Variants in LTN1 observed in about 807,000 individuals in gnomAD.
LTN1 encodes the protein listerin E3 ubiquitin protein ligase 1, also known as E3 ubiquitin-protein ligase listerin.
In LTN1, 88 loss-of-function variants were observed where a neutral mutation model predicts 201.2. The ratio of observed to expected loss-of-function variants is 0.44; its 90% CI spans 0.37 to 0.52. LTN1 has a LOEUF of 0.52. LTN1 is among the 20% of genes least tolerant of loss of function. The probability of loss-of-function intolerance (pLI) is 0.00; values close to 1 mark genes in which losing one functional copy is unlikely to be tolerated. For missense variants in LTN1, 1,752 were observed against 2,038.7 expected (o/e 0.86, Z 2.71); for synonymous variants, 645 against 713.5 (o/e 0.90, Z 1.53).
chr21:28,934,097 C>T (rs2084234878), intron 27 of LTN1, among the ~76,000 whole-genome samples: 1 of 152,018 alleles, frequency 6.6e-6, no homozygotes, highest in Admixed American at 6.6e-5. Context: ...ATCTTTCCCA[C>T]TCAGATCACA....
chr21:28,964,058 G>C (rs2084501166), intron 11 of LTN1, among the ~76,000 whole-genome samples: 1 of 152,164 alleles, frequency 6.6e-6, no homozygotes, highest in Non-Finnish European at 1.5e-5. Flanking sequence ...TCTACTCCTG[G>C]TGAAATGCCG....
intron 4 of LTN1, among the ~76,000 whole-genome samples, chr21:28,983,493 G>A (rs1568858268): frequency 6.6e-6 from 1 of 152,128 alleles, no homozygotes; most frequent in Non-Finnish European, 1.5e-5. Context: ...AGAAAAACAC[G>A]CTTGGTACAC....
chr21:28,990,344 T>C (rs1296254457), intron 1 of LTN1, among the ~76,000 whole-genome samples: 1 of 152,250 alleles, frequency 6.6e-6, no homozygotes, highest in Non-Finnish European at 1.5e-5. Context: ...CCTGGCTACA[T>C]GAGCTTAGGC....
chr21:28,931,097 GTGTT>G (rs1477195365), intron 29 of LTN1, 54 bp downstream of exon 29: 52 of 885,970 alleles, frequency 5.9e-5, no homozygotes, highest in South Asian at 4.1e-4. Flanking sequence ...GTGTGTGTGT[GTGTT>G]TATGTGTATA....
rs2084683610 is a variant in LTN1, at chr21:28,984,730, G to A, written c.538C>T (p.Pro180Ser). The change falls in exon 4 of 30, where the codon CCT (proline) becomes TCT (serine). Residue 180 changes from proline (P) to serine (S), a missense_variant. Around this residue, in one of 3 missense-constraint regions of LTN1, gnomAD observed 280 missense variants for 375.7 expected, o/e 0.75. Transcript: ENST00000361371. The part of the protein sequence containing the change: ...FEAAFPPSKQ[P>S]EAIAFCKDEI... ...TCCTTACAAAATGCTATGGCTTCAG[G>A]TTGCTTGCTTGGAGGAAAAGCCGCT... The A allele has an allele frequency of 6.2e-7, 1 of 1,613,878 alleles. No homozygotes were observed. The highest frequency in any genetic ancestry group is 8.5e-7 in the Non-Finnish European group (1 of 1,179,932).
At chr21:28,959,776 A>G in intron 12 of LTN1, 79 bp from the exon 13 acceptor site, 1 of 1,195,070 alleles carries the variant, frequency 8.4e-7, no homozygotes. Context: ...TGGATTAATA[A>G]TTCTATGGGT....
At chr21:28,954,376 C>T (rs1282180459) in intron 16 of LTN1, among the ~76,000 whole-genome samples, 2 of 152,156 alleles carry the variant, frequency 1.3e-5, no homozygotes, top group African/African-American at 4.8e-5. Flanking sequence ...AATTCTCTAC[C>T]TTTAATACCA....
intron 6 of LTN1, among the ~76,000 whole-genome samples, chr21:28,973,301 T>G (rs2146305964): frequency 7.2e-6 from 1 of 139,490 alleles, no homozygotes; most frequent in Admixed American, 8.0e-5. Flanking sequence ...GAGCCCAGAT[T>G]GCACCACTGC....
chr21:28,975,733 G>A (rs771514762), intron 6 of LTN1, among the ~76,000 whole-genome samples: 3 of 152,186 alleles, frequency 2.0e-5, no homozygotes, highest in Non-Finnish European at 2.9e-5. Flanking sequence ...TATGAAACAT[G>A]AGGATATGGA....
intron 12 of LTN1, among the ~76,000 whole-genome samples, chr21:28,960,104 C>T (rs746970280): frequency 5.3e-5 from 8 of 152,116 alleles, no homozygotes; most frequent in Admixed American, 4.6e-4. Flanking sequence ...CAGCGGCTCA[C>T]GCCTGTAATC....
At position 28,966,808 on chromosome 21, in the gene LTN1, C is replaced by T. The variant is rs527967076; in HGVS notation, c.1683G>A (p.Glu561=). The T allele has an allele frequency of 6.2e-7, 1 of 1,613,162 alleles. No homozygotes were observed. Among genetic ancestry groups the T allele is most frequent in the East Asian group, 2.2e-5 (1 of 44,870 alleles). The change falls in exon 10 of 30, where the codon GAG becomes GAA. Residue 561 remains glutamate, a synonymous_variant. Transcript: ENST00000361371. The part of the protein sequence containing the change: ...ENEKCVSSEG[E]KIEGWELTTE... ...TTGTTAATTCCCAGCCTTCAATCTT[C>T]TCTCCTTCTGAAGATACACATTTTT... is the stretch of plus-strand genomic sequence containing the variant.
intron 4 of LTN1, among the ~76,000 whole-genome samples, chr21:28,983,956 A>C (rs1424957724): frequency 1.3e-5 from 2 of 152,218 alleles, no homozygotes; most frequent in Non-Finnish European, 2.9e-5. Flanking sequence ...AAACAGACAC[A>C]CTGAAAGCCA....
At chr21:28,952,918 T>A (rs1017023820) in intron 17 of LTN1, among the ~76,000 whole-genome samples, 1 of 152,188 alleles carries the variant, frequency 6.6e-6, no homozygotes, top group Non-Finnish European at 1.5e-5. Flanking sequence ...CTGAGAGCAC[T>A]GGGAGGATGA....
At chr21:28,945,252 G>A (rs536526317) in intron 21 of LTN1, among the ~76,000 whole-genome samples, 1 of 151,940 alleles carries the variant, frequency 6.6e-6, no homozygotes, top group African/African-American at 2.4e-5. Context: ...AAGAAAGAAA[G>A]AAAACTGAGT....
Position 28,986,268 on chromosome 21 carries a change from TAAC to T in LTN1, c.247-34_247-32del. On this transcript the variant is annotated intron_variant, in intron 2 of 29. Transcript: ENST00000361371. This position sits in a 1 kb window ranked among gnomAD's most constrained non-coding sequence, Gnocchi z 4.1. ...AGTAAGTTATTAACATCATTAGGATTAACAACCATAATAACTGGCTATAGATTA... is the reference window on the plus strand; with the variant it reads ...AGTAAGTTATTAACATCATTAGGATTAACCATAATAACTGGCTATAGATTA... The T allele has an allele frequency of 8.0e-7, 1 of 1,246,178 alleles. No individual in the cohort carries two copies. Among genetic ancestry groups the T allele is most frequent in the South Asian group, 1.2e-5 (1 of 81,284 alleles). 77.2% of individuals were successfully genotyped at this position (1,246,178 alleles called of 1,614,324 possible). A position where few individuals can be genotyped will look rare whatever the true frequency, so the allele number is the denominator to read the frequency against.
rs1185253162 is a variant in LTN1, at chr21:28,988,154, A to C, written c.43-1220T>G. ...GAGACTCTGTCTCAAAAAAAAAAAA[A>C]AACAACAAAAAAAAACAAATTGCTC... On this transcript the variant is annotated intron_variant, in intron 1 of 29. Coordinates refer to ENST00000361371, the MANE Select transcript of LTN1 (RefSeq NM_015565.3). 3.8e-3 allele frequency among the ~76,000 whole-genome samples: 560 copies of C among 145,782 alleles called. 4 individuals carry two copies. Among genetic ancestry groups the C allele is most frequent in the Non-Finnish European group, 6.7e-3 (444 of 66,262 alleles).
intron 5 of LTN1, among the ~76,000 whole-genome samples, chr21:28,981,766 TA>T (rs1254613611): frequency 6.6e-6 from 1 of 152,196 alleles, no homozygotes; most frequent in Non-Finnish European, 1.5e-5. Flanking sequence ...AGGAAACATA[TA>T]AAAACATCTC....
chr21:28,966,304 C>T, intron 10 of LTN1, 66 bp downstream of exon 10: 4 of 1,314,872 alleles, frequency 3.0e-6, no homozygotes, highest in South Asian at 2.9e-5. Context: ...AACCAGAAAA[C>T]AATAAGCAGG....
chr21:28,940,813 C>T (rs1013687408), intron 25 of LTN1, among the ~76,000 whole-genome samples: 7 of 152,082 alleles, frequency 4.6e-5, no homozygotes, highest in Non-Finnish European at 7.4e-5. Flanking sequence ...TTAGGCTGGG[C>T]GCAGTGGCTC....
Sources: gnomAD v4.1 joint callset for allele counts (sites outside exome capture counted in the v4.1 genomes callset) on GRCh38, gnomAD v4.1.1 for gene constraint, gnomAD v4.1.1 regional missense constraint, Gnocchi (gnomAD v3.1) non-coding constraint, MANE v1.5 for transcripts, NCBI Gene and HGNC (gene_info 2026-07-23, HGNC 2026-07-21) for gene names.